The following MECOM variants were observed in gnomAD, a reference collection of about 807,000 sequenced individuals.
MECOM encodes the protein MDS1 and EVI1 complex locus, also known as histone-lysine N-methyltransferase MECOM.
Under a neutral mutation model 116.3 loss-of-function variants are expected in MECOM, and 13 were observed. The observed-to-expected ratio is 0.11, with a 90% confidence interval of 0.07 to 0.18. The LOEUF is 0.18. Ranked by LOEUF, MECOM falls within the 10% of genes least tolerant of loss-of-function variation. The pLI is 1.00. For missense variants in MECOM, 1,299 were observed against 1,509.0 expected (o/e 0.86, Z 2.31); for synonymous variants, 528 against 535.2 (o/e 0.99, Z 0.19).
intron 1 of MECOM, among the ~76,000 whole-genome samples, chr3:169,498,746 A>G (rs1462291021): frequency 6.6e-6 from 1 of 152,222 alleles, no homozygotes; most frequent in African/African-American, 2.4e-5. Flanking sequence ...AAGGTAATTG[A>G]TAAGCCCAAT....
intron 1 of MECOM, among the ~76,000 whole-genome samples, chr3:169,569,808 A>G (rs1226609176): frequency 1.3e-5 from 2 of 152,206 alleles, no homozygotes; most frequent in East Asian, 3.8e-4. Context: ...GAACAAAGAC[A>G]CAACATACCA....
intron 1 of MECOM, among the ~76,000 whole-genome samples, chr3:169,411,256 T>A (rs972729692): frequency 6.6e-6 from 1 of 152,220 alleles, no homozygotes; most frequent in Admixed American, 6.5e-5. Flanking sequence ...CAAAACTCTT[T>A]GCTTTCTAAG....
rs533495755 is a variant in MECOM at position 169,084,797 on chromosome 3, A to T, written c.*112T>A. The T allele has an allele frequency of 5.8e-4, 677 of 1,158,896 alleles. 8 individuals are homozygous for T. The South Asian group carries it at 8.7e-3, about 15-fold the overall frequency. 71.8% of individuals were successfully genotyped at this position (1,158,896 alleles called of 1,614,324 possible). A position where few individuals can be genotyped will look rare whatever the true frequency, so the allele number is the denominator to read the frequency against. ...GTTTAAGGTCACTAGACTTTAGATG[A>T]GTGACCCTGCAGGTTTATAAGGCAT... is the stretch of plus-strand genomic sequence containing the variant. On this transcript the variant is annotated 3_prime_UTR_variant, in exon 17 of 17. Coordinates refer to ENST00000651503, the MANE Select transcript of MECOM (RefSeq NM_004991.4).
chr3:169,574,572 G>A (rs1416798175), intron 1 of MECOM, among the ~76,000 whole-genome samples: 1 of 152,146 alleles, frequency 6.6e-6, no homozygotes, highest in African/African-American at 2.4e-5. Context: ...CCAAGCAAAT[G>A]GTAATTTCAC....
intron 2 of MECOM, among the ~76,000 whole-genome samples, chr3:169,317,024 G>C (rs1044371639): frequency 6.6e-6 from 1 of 152,134 alleles, no homozygotes; most frequent in Non-Finnish European, 1.5e-5. Context: ...GATAAGAAAT[G>C]GACTTAACTA....
intron 2 of MECOM, among the ~76,000 whole-genome samples, chr3:169,167,153 A>T (rs1420003767): frequency 1.3e-5 from 2 of 152,132 alleles, no homozygotes; most frequent in Admixed American, 1.3e-4. Flanking sequence ...TTTTAAAAAA[A>T]TTTTTGTAGA....
At chr3:169,427,253 G>A (rs1408001136) in intron 1 of MECOM, among the ~76,000 whole-genome samples, 1 of 151,922 alleles carries the variant, frequency 6.6e-6, no homozygotes, top group Non-Finnish European at 1.5e-5. Context: ...AGCTATGCTA[G>A]TCTCTGTATT....
intron 3 of MECOM, among the ~76,000 whole-genome samples, chr3:169,140,013 A>G (rs921674391): frequency 2.6e-5 from 4 of 151,932 alleles, no homozygotes; most frequent in African/African-American, 9.7e-5. Context: ...TTCACATTAA[A>G]CACATAGGTG....
chr3:169,356,105 C>T (rs949403469), intron 2 of MECOM, among the ~76,000 whole-genome samples: 1 of 151,784 alleles, frequency 6.6e-6, no homozygotes, highest in Admixed American at 6.6e-5. Flanking sequence ...CTCATCTTGA[C>T]TCCTAATTTA....
chr3:169,633,746 T>C (rs1772371637), intron 1 of MECOM, among the ~76,000 whole-genome samples: 1 of 152,016 alleles, frequency 6.6e-6, no homozygotes. Flanking sequence ...CCATGCTTCG[T>C]CAGCCAGCTC....
chr3:169,389,869 C>T (rs574275628), intron 1 of MECOM, among the ~76,000 whole-genome samples: 26 of 152,106 alleles, frequency 1.7e-4, no homozygotes, highest in Non-Finnish European at 2.4e-4. Flanking sequence ...TTACTGATGA[C>T]GGAACACATT....
rs148489098 is a variant in MECOM at position 169,587,512 on chromosome 3, G to A, written c.37+75824C>T. Among the ~76,000 whole-genome samples, 8 of 150,948 alleles carry A rather than the reference G, an allele frequency of 5.3e-5. No homozygotes were observed. In the East Asian group the frequency reaches 9.7e-4, roughly 18 times the overall value. ...GTTGAATGGGCCAACTCAAACAACT[G>A]GTCAGTGAAAGCTGGGGAAATCAGT... On this transcript the variant is annotated intron_variant, in intron 1 of 16. Coordinates refer to ENST00000651503, the MANE Select transcript of MECOM (RefSeq NM_004991.4).
At chr3:169,573,888 T>G (rs59190093) in intron 1 of MECOM, among the ~76,000 whole-genome samples, 2 of 152,208 alleles carry the variant, frequency 1.3e-5, no homozygotes, top group African/African-American at 2.4e-5. Context: ...AAATGCTGCA[T>G]GTTCTGCATT....
intron 2 of MECOM, among the ~76,000 whole-genome samples, chr3:169,257,942 C>T (rs548206484): frequency 5.9e-5 from 9 of 152,144 alleles, no homozygotes; most frequent in Admixed American, 2.0e-4. Context: ...AAAAAGTAGC[C>T]GGGCATGGCG....
Position 169,250,173 on chromosome 3 carries a change from G to C in MECOM, c.376-106341C>G, listed in dbSNP as rs978646787. Among the ~76,000 whole-genome samples the C allele has an allele frequency of 2.6e-5, 4 of 152,078 alleles. No homozygotes were observed. In the East Asian group the frequency reaches 7.7e-4, roughly 29 times the overall value. On this transcript the variant is annotated intron_variant, in intron 2 of 16. Transcript: ENST00000651503. ...AGAGCAGACAATTTTCAGCATCAGT[G>C]GTTTTACTTTCTTTACCAGGCCTCA...
intron 2 of MECOM, among the ~76,000 whole-genome samples, chr3:169,337,393 G>T (rs932381673): frequency 3.3e-5 from 5 of 152,104 alleles, no homozygotes; most frequent in African/African-American, 9.7e-5. Flanking sequence ...GCTTGGAAGA[G>T]ATTTCAATTT....
At chr3:169,484,042 T>G (rs927547639) in intron 1 of MECOM, 7 of 1,292,098 alleles carry the variant, frequency 5.4e-6, no homozygotes, top group Non-Finnish European at 6.6e-6. Context: ...TTTATATAAC[T>G]AATGGAAAGT....
At chr3:169,577,582 C>A (rs896319729) in intron 1 of MECOM, among the ~76,000 whole-genome samples, 4 of 151,900 alleles carry the variant, frequency 2.6e-5, no homozygotes, top group African/African-American at 9.7e-5. Context: ...AAAGACCAGA[C>A]TCATAGTGTT....
chr3:169,241,009 T>C (rs1754728290), intron 2 of MECOM, among the ~76,000 whole-genome samples: 1 of 152,170 alleles, frequency 6.6e-6, no homozygotes, highest in Admixed American at 6.5e-5. Flanking sequence ...AATAAAGTAA[T>C]ATAAAGTGTC....
Sources: allele counts gnomAD v4.1 joint callset (sites outside exome capture counted in the v4.1 genomes callset), GRCh38; gene constraint gnomAD v4.1.1; transcripts MANE v1.5; gene names NCBI Gene and HGNC (gene_info 2026-07-23, HGNC 2026-07-21).